DNM2: variants seen among roughly 807,000 people sequenced by gnomAD.
The protein encoded by DNM2 is dynamin 2.
Under a neutral mutation model 99.0 loss-of-function variants are expected in DNM2, and 15 were observed. That is an observed-to-expected ratio of 0.15 (90% CI 0.10 to 0.23). The LOEUF is 0.23. DNM2 is among the 10% of genes least tolerant of loss of function. The pLI, the probability that DNM2 is intolerant of heterozygous loss-of-function variation, is 1.00. For missense variants in DNM2, 742 were observed against 1,189.4 expected (o/e 0.62, Z 5.53); for synonymous variants, 525 against 481.2 (o/e 1.09, Z -1.19).
intron 17 of DNM2, chr19:10,824,316 A>G (rs1294942962): frequency 7.7e-6 from 2 of 260,668 alleles, no homozygotes; most frequent in Non-Finnish European, 1.5e-5. Flanking sequence ...AGCCTGGCCA[A>G]CATGGTGAAA....
Position 10,803,090 on chromosome 19 carries a change from C to G in DNM2, c.1493+732C>G, listed in dbSNP as rs555775630. 8.5e-5 allele frequency among the ~76,000 whole-genome samples: 13 copies of G among 152,320 alleles called. No individual in the cohort carries two copies. The South Asian group carries it at 2.1e-3, about 24-fold the overall frequency. ...CAGCTCCCCACCCTCAGAGGAAGAC[C>G]ACATGCAGGGAACCGATGGGGACCC... On this transcript the variant is annotated intron_variant, in intron 12 of 20. Coordinates refer to ENST00000389253, the MANE Select transcript of DNM2 (RefSeq NM_001005361.3).
intron 2 of DNM2, among the ~76,000 whole-genome samples, chr19:10,771,477 G>C (rs529407953): frequency 1.9e-4 from 29 of 152,156 alleles, no homozygotes; most frequent in Non-Finnish European, 2.9e-4. Context: ...GAATAGTCAG[G>C]GGGAGAAAGA....
Position 10,831,886 on chromosome 19 carries a change from G to A in DNM2, c.*839G>A, listed in dbSNP as rs1438902934. 4 of 1,028,538 alleles carry A rather than the reference G, an allele frequency of 3.9e-6. No homozygotes were observed. The highest frequency in any genetic ancestry group is 9.5e-5 in the East Asian group (1 of 10,548). 63.7% of individuals were successfully genotyped at this position (1,028,538 alleles called of 1,614,324 possible). ...TATTCTATTAATAAACTAAAATAAA[G>A]GGAAGACGCTGCTGGTGGCTGCTGT... On this transcript the variant is annotated 3_prime_UTR_variant, in exon 21 of 21. Coordinates refer to ENST00000389253, the MANE Select transcript of DNM2 (RefSeq NM_001005361.3). This position sits in a 1 kb window ranked among gnomAD's most constrained non-coding sequence, Gnocchi z 4.3.
At chr19:10,779,502 C>CTTTCTTTTTTTTTTT in intron 5 of DNM2, among the ~76,000 whole-genome samples, 1 of 29,626 alleles carries the variant, frequency 3.4e-5, no homozygotes, top group Non-Finnish European at 5.8e-5. Context: ...TTCTTTCTTT[C>CTTTCTTTTTTTTTTT]TTTTTTTTTT....
At chr19:10,819,917 G>GC in intron 15 of DNM2, 63 bp from the exon 16 acceptor site, 1 of 1,511,172 alleles carries the variant, frequency 6.6e-7, no homozygotes. Context: ...ACACGCTCTG[G>GC]CCTGGGGCAT....
Position 10,817,711 on chromosome 19 carries a change from G to A in DNM2, c.1672-2269G>A, listed in dbSNP as rs181497971. Among the ~76,000 whole-genome samples the A allele has an allele frequency of 1.0e-3, 151 of 148,500 alleles. No individual in the cohort carries two copies. The highest frequency in any genetic ancestry group is 1.9e-3 in the Admixed American group (29 of 14,914). ...CTAAAGAGTGGGGGAGGCGGAGCAGGAGGCAGGGTTTGGGATCGTGGCTTC... is the reference window on the plus strand; with the variant it reads ...CTAAAGAGTGGGGGAGGCGGAGCAGAAGGCAGGGTTTGGGATCGTGGCTTC... On this transcript the variant is annotated intron_variant, in intron 15 of 20. Coordinates refer to ENST00000389253, the MANE Select transcript of DNM2 (RefSeq NM_001005361.3). The surrounding 1 kb of genome is among the most constrained non-coding windows in gnomAD (Gnocchi z 4.6).
chr19:10,820,327 G>A lies in DNM2; in HGVS notation c.1781+238G>A, dbSNP rs2072932330. 6.6e-6 allele frequency among the ~76,000 whole-genome samples: 1 copy of A among 152,260 alleles called. No individual in the cohort carries two copies. Among genetic ancestry groups the A allele is most frequent in the South Asian group, 2.1e-4 (1 of 4,836 alleles). ...ATGAAGGCAGGCTCCGAGTCAGTGGGAGCCATGGAGAGTTCTGAGCACAGG... is the reference window on the plus strand; with the variant it reads ...ATGAAGGCAGGCTCCGAGTCAGTGGAAGCCATGGAGAGTTCTGAGCACAGG... On this transcript the variant is annotated intron_variant, in intron 16 of 20. Transcript: ENST00000389253. The surrounding 1 kb of genome is among the most constrained non-coding windows in gnomAD (Gnocchi z 4.3).
intron 16 of DNM2, among the ~76,000 whole-genome samples, chr19:10,821,307 A>G (rs748074917): frequency 6.6e-6 from 1 of 152,112 alleles, no homozygotes; most frequent in Non-Finnish European, 1.5e-5. Context: ...GGGTGACAAT[A>G]TTATCTGATA....
At chr19:10,758,891 A>G (rs2070518635) in intron 1 of DNM2, among the ~76,000 whole-genome samples, 1 of 152,080 alleles carries the variant, frequency 6.6e-6, no homozygotes, top group South Asian at 2.1e-4. Context: ...ATAGTAATTT[A>G]CATTCCGCGA....
At chr19:10,806,084 AC>A (rs1346618914) in intron 13 of DNM2, 117 bp downstream of exon 13, 3 of 1,296,790 alleles carry the variant, frequency 2.3e-6, no homozygotes, top group Non-Finnish European at 3.3e-6. Flanking sequence ...CAGCCTCAGT[AC>A]CAGGCCATCT....
chr19:10,800,045 T>A (rs1049618063), intron 11 of DNM2, among the ~76,000 whole-genome samples: 1 of 144,544 alleles, frequency 6.9e-6, no homozygotes, highest in African/African-American at 2.6e-5. Flanking sequence ...TTAGTAGAGA[T>A]GAGGTTTCGC....
intron 15 of DNM2, among the ~76,000 whole-genome samples, chr19:10,814,356 C>T (rs1477006715): frequency 6.6e-6 from 1 of 151,602 alleles, no homozygotes; most frequent in Non-Finnish European, 1.5e-5. Context: ...CCCAGCTACT[C>T]AGGAGGCTGA....
At chr19:10,822,732 C>T (rs1350872384) in intron 16 of DNM2, among the ~76,000 whole-genome samples, 1 of 151,998 alleles carries the variant, frequency 6.6e-6, no homozygotes, top group Non-Finnish European at 1.5e-5. Flanking sequence ...CTCCTGACCT[C>T]AGTTGATCCT....
chr19:10,785,261 GCACCCAT>G (rs2071519763), intron 6 of DNM2, among the ~76,000 whole-genome samples: 1 of 151,934 alleles, frequency 6.6e-6, no homozygotes, highest in Non-Finnish European at 1.5e-5. Flanking sequence ...GGGACTATAG[GCACCCAT>G]CACCACACCC....
intron 2 of DNM2, among the ~76,000 whole-genome samples, chr19:10,760,710 G>T (rs1054859703): frequency 1.1e-4 from 17 of 151,368 alleles, no homozygotes; most frequent in African/African-American, 3.2e-4. Context: ...TCCCCAGGCC[G>T]TGCAGTGGTG....
At chr19:10,821,913 A>T (rs1364433974) in intron 16 of DNM2, among the ~76,000 whole-genome samples, 1 of 152,200 alleles carries the variant, frequency 6.6e-6, no homozygotes, top group Non-Finnish European at 1.5e-5. Context: ...AGCAGCAGGA[A>T]GGAGAGGAGG....
rs778413167 is a variant in DNM2 at position 10,811,722 on chromosome 19, C to G, written c.1558-542C>G. 6 of 518,452 alleles carry G rather than the reference C, an allele frequency of 1.2e-5. No homozygotes were observed. Among genetic ancestry groups the G allele is most frequent in the Non-Finnish European group, 2.3e-5 (6 of 259,758 alleles). The allele number at this position is 518,452 out of a possible 1,614,324, so 32.1% of individuals were successfully genotyped here. A position where few individuals can be genotyped will look rare whatever the true frequency, so the allele number is the denominator to read the frequency against. ...ACCCCCACGCAGATGACAGCTACAGCCACACAATCCCCATCCATGGGGTCT... is the reference window on the plus strand; with the variant it reads ...ACCCCCACGCAGATGACAGCTACAGGCACACAATCCCCATCCATGGGGTCT... On this transcript the variant is annotated intron_variant, in intron 14 of 20. Coordinates refer to ENST00000389253, the MANE Select transcript of DNM2 (RefSeq NM_001005361.3). This position sits in a 1 kb window ranked among gnomAD's most constrained non-coding sequence, Gnocchi z 5.4.
At chr19:10,791,214 G>A (rs2071742352) in intron 7 of DNM2, among the ~76,000 whole-genome samples, 1 of 152,036 alleles carries the variant, frequency 6.6e-6, no homozygotes, top group South Asian at 2.1e-4. Context: ...TCAGCCACCT[G>A]AGTAGCCTGA....
In DNM2 at chr19:10,812,743, C is replaced by T. The variant is rs912630923; in HGVS notation, c.1671+366C>T. 4.3e-4 allele frequency among the ~76,000 whole-genome samples: 66 copies of T among 152,118 alleles called. 1 individual carries two copies. The highest frequency in any genetic ancestry group is 7.8e-4 in the Non-Finnish European group (53 of 68,024). On this transcript the variant is annotated intron_variant, in intron 15 of 20. Coordinates refer to ENST00000389253, the MANE Select transcript of DNM2 (RefSeq NM_001005361.3). This position sits in a 1 kb window ranked among gnomAD's most constrained non-coding sequence, Gnocchi z 4.0. ...CGGAGGTTGCAGTGAGCCGAGATTGCGCCACTGCACTCCAGCCTGGGCGAG... is the reference window on the plus strand; with the variant it reads ...CGGAGGTTGCAGTGAGCCGAGATTGTGCCACTGCACTCCAGCCTGGGCGAG...
Sources: gnomAD v4.1 joint callset for allele counts (sites outside exome capture counted in the v4.1 genomes callset) on GRCh38, gnomAD v4.1.1 for gene constraint, Gnocchi (gnomAD v3.1) non-coding constraint, MANE v1.5 for transcripts, NCBI Gene and HGNC (gene_info 2026-07-23, HGNC 2026-07-21) for gene names.